The following TRPM3 variants were observed in gnomAD, a reference collection of about 807,000 sequenced individuals.
TRPM3 encodes transient receptor potential cation channel subfamily M member 3.
Under a neutral mutation model 181.2 loss-of-function variants are expected in TRPM3, and 77 were observed. That is an observed-to-expected ratio of 0.42 (90% CI 0.35 to 0.51). The LOEUF (loss-of-function observed/expected upper bound fraction) is 0.51. Ranked by LOEUF, TRPM3 falls within the 20% of genes least tolerant of loss-of-function variation. The pLI, the probability that TRPM3 is intolerant of heterozygous loss-of-function variation, is 0.01. For synonymous variants in TRPM3, 745 were observed against 796.4 expected (o/e 0.94, Z 1.09); for missense variants, 1,759 against 2,196.7 (o/e 0.80, Z 3.98).
At chr9:71,048,889 TA>T (rs1361913250) in intron 1 of TRPM3, among the ~76,000 whole-genome samples, 2 of 152,200 alleles carry the variant, frequency 1.3e-5, no homozygotes, top group Non-Finnish European at 2.9e-5. Context: ...AGAAATCACT[TA>T]ATGGAAAAGG....
chr9:70,982,355 A>T (rs2097371852), intron 1 of TRPM3, among the ~76,000 whole-genome samples: 1 of 152,148 alleles, frequency 6.6e-6, no homozygotes, highest in Non-Finnish European at 1.5e-5. Context: ...CACATCAGAA[A>T]ACCAAAGCTT....
rs370766088 is a variant in TRPM3 at position 70,793,766 on chromosome 9, G to T, written c.974-9487C>A. 1.8e-4 allele frequency: 75 copies of T among 418,996 alleles called. 1 individual carries two copies. The highest frequency in any genetic ancestry group is 1.3e-3 in the South Asian group (73 of 55,674). 26.0% of individuals were successfully genotyped at this position (418,996 alleles called of 1,614,324 possible). On this transcript the variant is annotated intron_variant, in intron 6 of 25. Coordinates refer to ENST00000677713, the MANE Select transcript of TRPM3 (RefSeq NM_001366145.2). Reference sequence around the variant, plus strand: ...CAACTTGCAATTTTTCAACTTTGCAGTGATGCAAAAGTGATACATATTTAG... The same window carrying T: ...CAACTTGCAATTTTTCAACTTTGCATTGATGCAAAAGTGATACATATTTAG...
intron 1 of TRPM3, among the ~76,000 whole-genome samples, chr9:71,015,939 G>A (rs868676216): frequency 1.3e-5 from 2 of 151,992 alleles, no homozygotes; most frequent in Non-Finnish European, 2.9e-5. Flanking sequence ...GCTTACACCT[G>A]TAATCCCAGC....
intron 1 of TRPM3, among the ~76,000 whole-genome samples, chr9:70,993,657 T>A (rs993743044): frequency 7.9e-5 from 12 of 151,836 alleles, no homozygotes; most frequent in African/African-American, 2.9e-4. Context: ...CGAGATGGTC[T>A]TTGACACCAA....
At chr9:70,872,089 G>A (rs2095798818) in intron 1 of TRPM3, among the ~76,000 whole-genome samples, 1 of 151,994 alleles carries the variant, frequency 6.6e-6, no homozygotes, top group South Asian at 2.1e-4. Flanking sequence ...ATATAAAGTA[G>A]TGGTTAGCAA....
chr9:71,176,487 G>A (rs2077112160), intron 1 of TRPM3, among the ~76,000 whole-genome samples: 1 of 152,076 alleles, frequency 6.6e-6, no homozygotes, highest in Admixed American at 6.6e-5. Context: ...TTAAGCTAAG[G>A]TTTATTACAA....
intron 1 of TRPM3, among the ~76,000 whole-genome samples, chr9:70,933,677 G>A (rs1313115048): frequency 6.6e-6 from 1 of 152,100 alleles, no homozygotes; most frequent in East Asian, 1.9e-4. Flanking sequence ...AGTCATAGCT[G>A]AAGGGGGATA....
At chr9:70,988,084 G>A (rs1449616458) in intron 1 of TRPM3, among the ~76,000 whole-genome samples, 1 of 152,092 alleles carries the variant, frequency 6.6e-6, no homozygotes, top group Non-Finnish European at 1.5e-5. Context: ...AAGTAAGCAA[G>A]CTTATGTAAG....
chr9:70,903,556 C>A (rs1187431775), intron 1 of TRPM3, among the ~76,000 whole-genome samples: 1 of 151,800 alleles, frequency 6.6e-6, no homozygotes, highest in African/African-American at 2.4e-5. Context: ...AGGAAATATA[C>A]TTTTTCCTTC....
At chr9:71,322,857 A>T (rs1194755726) in intron 1 of TRPM3, among the ~76,000 whole-genome samples, 1 of 152,172 alleles carries the variant, frequency 6.6e-6, no homozygotes, top group Non-Finnish European at 1.5e-5. Context: ...CAAACCATAA[A>T]TTAAGTACTT....
At chr9:71,376,836 A>G (rs1417308824) in intron 1 of TRPM3, among the ~76,000 whole-genome samples, 1 of 152,066 alleles carries the variant, frequency 6.6e-6, no homozygotes, top group African/African-American at 2.4e-5. Context: ...ATATATTTAG[A>G]TCTCCACTCA....
At chr9:70,922,885 A>C (rs962211859) in intron 1 of TRPM3, among the ~76,000 whole-genome samples, 4 of 152,192 alleles carry the variant, frequency 2.6e-5, no homozygotes, top group African/African-American at 9.7e-5. Context: ...TGTTATATAG[A>C]ATGTAATATT....
At chr9:70,756,460 C>A (rs2077097790) in intron 8 of TRPM3, among the ~76,000 whole-genome samples, 2 of 152,124 alleles carry the variant, frequency 1.3e-5, no homozygotes, top group Admixed American at 6.6e-5. Flanking sequence ...CAAGGATATT[C>A]ATGACTTGAA....
chr9:70,661,335 C>T (rs1291870902), intron 9 of TRPM3, among the ~76,000 whole-genome samples: 11 of 151,976 alleles, frequency 7.2e-5, no homozygotes, highest in Admixed American at 7.2e-4. Context: ...CAATGTCACA[C>T]TAAACTGGGA....
chr9:70,605,231 C>T (rs183120109), intron 19 of TRPM3, among the ~76,000 whole-genome samples: 1 of 152,242 alleles, frequency 6.6e-6, no homozygotes, highest in Non-Finnish European at 1.5e-5. Flanking sequence ...GCTGGGATTA[C>T]AGGTGTGAGC....
chr9:70,589,189 C>T (rs924739215), intron 22 of TRPM3, among the ~76,000 whole-genome samples: 2 of 152,174 alleles, frequency 1.3e-5, no homozygotes, highest in Non-Finnish European at 2.9e-5. Context: ...TTCTCTGTCT[C>T]CAGGGGGTTT....
At chr9:71,312,232 A>G (rs1040865994) in intron 1 of TRPM3, among the ~76,000 whole-genome samples, 1 of 152,174 alleles carries the variant, frequency 6.6e-6, no homozygotes, top group Non-Finnish European at 1.5e-5. Context: ...AAACAACCCA[A>G]TTAAAAATGG....
intron 1 of TRPM3, among the ~76,000 whole-genome samples, chr9:71,039,110 A>G (rs190278198): frequency 9.0e-4 from 137 of 152,298 alleles, no homozygotes; most frequent in African/African-American, 3.1e-3. Flanking sequence ...TCACCTTTTT[A>G]CCCACCGATT....
intron 1 of TRPM3, among the ~76,000 whole-genome samples, chr9:71,011,260 G>A (rs2134370010): frequency 6.6e-6 from 1 of 152,080 alleles, no homozygotes; most frequent in African/African-American, 2.4e-5. Flanking sequence ...AAATAACAAT[G>A]TATTATATAT....
Sources: gnomAD v4.1 joint callset for allele counts (sites outside exome capture counted in the v4.1 genomes callset) on GRCh38, gnomAD v4.1.1 for gene constraint, MANE v1.5 for transcripts, NCBI Gene and HGNC (gene_info 2026-07-23, HGNC 2026-07-21) for gene names.